Variants in SGCE observed in about 807,000 individuals in gnomAD.
The protein encoded by SGCE is epsilon-sarcoglycan.
In SGCE, 26 loss-of-function variants were observed where a neutral mutation model predicts 57.8. That is an observed-to-expected ratio of 0.45 (90% CI 0.33 to 0.62). The LOEUF is 0.62. SGCE is among the 20% of genes least tolerant of loss of function. The pLI is 0.02. For missense variants in SGCE, 468 were observed against 548.6 expected (o/e 0.85, Z 1.47); for synonymous variants, 183 against 189.5 (o/e 0.97, Z 0.28).
intron 5 of SGCE, among the ~76,000 whole-genome samples, chr7:94,605,550 T>G (rs1799985550): frequency 6.6e-6 from 1 of 152,118 alleles, no homozygotes; most frequent in Non-Finnish European, 1.5e-5. Context: ...AGACAGGGAT[T>G]ATTTTATCAT....
In SGCE at chr7:94,618,996, G is replaced by A. The variant is rs201139759; in HGVS notation, c.464-40C>T. 44 of 1,357,206 alleles carry A rather than the reference G, an allele frequency of 3.2e-5. No homozygotes were observed. In the East Asian group the frequency reaches 7.1e-4, roughly 22 times the overall value. 84.1% of individuals were successfully genotyped at this position (1,357,206 alleles called of 1,614,324 possible). A position where few individuals can be genotyped will look rare whatever the true frequency, so the allele number is the denominator to read the frequency against. On this transcript the variant is annotated intron_variant, in intron 4 of 10. Transcript: ENST00000648936. ...AAAGGGCATGCATATCTTTAATGAA[G>A]TAGTCTTTTAAAAAGGAAACAAAAG...
intron 3 of SGCE, chr7:94,625,789 G>C (rs1299321922): frequency 3.3e-5 from 5 of 151,992 alleles, no homozygotes; most frequent in African/African-American, 1.2e-4. Flanking sequence ...CTTGCTGATA[G>C]ACTTTTGGGT....
At chr7:94,633,375 T>A (rs191536814) in intron 1 of SGCE, among the ~76,000 whole-genome samples, 42 of 152,262 alleles carry the variant, frequency 2.8e-4, no homozygotes, top group African/African-American at 5.5e-4. Flanking sequence ...CAGAATTTTT[T>A]AAGTAATAAT....
Position 94,628,318 on chromosome 7 carries a change from T to A in SGCE, c.274A>T (p.Met92Leu). The A allele has an allele frequency of 6.2e-7, 1 of 1,611,462 alleles. No individual in the cohort carries two copies. Among genetic ancestry groups the A allele is most frequent in the Non-Finnish European group, 8.5e-7 (1 of 1,178,200 alleles). Residue 92 changes from methionine to leucine, a missense_variant, in exon 3 of 11, where the codon ATG (methionine) becomes TTG (leucine). Physicochemically the swap from Met to Leu is conservative, Grantham distance 15 (BLOSUM62 2). Coordinates refer to ENST00000648936, the MANE Select transcript of SGCE (RefSeq NM_003919.3). Reference sequence around the variant, plus strand: ...CATCCAGGTCGGTCTGGGTAACCCATTAAATTTGTATTAAATGTTATGGGA... The same window carrying A: ...CATCCAGGTCGGTCTGGGTAACCCAATAAATTTGTATTAAATGTTATGGGA... ...NDPITFNTNL[M>L]GYPDRPGWLR...
intron 1 of SGCE, among the ~76,000 whole-genome samples, chr7:94,647,203 C>T (rs963764005): frequency 6.6e-6 from 1 of 152,170 alleles, no homozygotes; most frequent in Non-Finnish European, 1.5e-5. Flanking sequence ...TACTCTTTCC[C>T]TTAAAAACTG....
chr7:94,607,635 T>A (rs934098420), intron 5 of SGCE, among the ~76,000 whole-genome samples: 1 of 152,142 alleles, frequency 6.6e-6, no homozygotes, highest in Non-Finnish European at 1.5e-5. Context: ...AAACTAGGAA[T>A]AGAGGGGAAT....
In SGCE at chr7:94,585,368, A is replaced by G. The variant is rs984909373; in HGVS notation, c.*131T>C. 1.3e-5 allele frequency: 10 copies of G among 772,044 alleles called. No individual in the cohort carries two copies. Among genetic ancestry groups the G allele is most frequent in the Non-Finnish European group, 2.3e-5 (10 of 443,072 alleles). The allele number at this position is 772,044 out of a possible 1,614,324, so 47.8% of individuals were successfully genotyped here. On this transcript the variant is annotated 3_prime_UTR_variant, in exon 11 of 11. Coordinates refer to ENST00000648936, the MANE Select transcript of SGCE (RefSeq NM_003919.3). The stretch of plus-strand genomic sequence containing the variant: ...TGAAAGTTATGTTGTATTATTTGGT[A>G]TACACTTAATACTGCCAACATGCAT...
chr7:94,598,695 A>G (rs2116672333), intron 9 of SGCE, 80 bp downstream of exon 9: 1 of 1,017,764 alleles, frequency 9.8e-7, no homozygotes. Context: ...CAAACACAAC[A>G]ACAGAAAGCT....
chr7:94,597,086 T>G (rs1272885055), intron 9 of SGCE: 1 of 152,130 alleles, frequency 6.6e-6, no homozygotes, highest in East Asian at 1.9e-4. Flanking sequence ...CCATAATAGG[T>G]GGGCTACTGA....
At position 94,585,469 on chromosome 7, in the gene SGCE, A is replaced by G. The variant is rs753684985; in HGVS notation, c.*30T>C. On this transcript the variant is annotated 3_prime_UTR_variant, in exon 11 of 11. Coordinates refer to ENST00000648936, the MANE Select transcript of SGCE (RefSeq NM_003919.3). ...TGTAACTGCTATATTGTCTGATTATAAATTCATTGCTTCAGTCAGTTTTCT... is the reference window on the plus strand; with the variant it reads ...TGTAACTGCTATATTGTCTGATTATGAATTCATTGCTTCAGTCAGTTTTCT... 2 of 1,596,414 alleles carry G rather than the reference A, an allele frequency of 1.3e-6. No individual in the cohort carries two copies. The highest frequency in any genetic ancestry group is 1.7e-6 in the Non-Finnish European group (2 of 1,164,062).
At chr7:94,628,424 T>G (rs562110127) in intron 2 of SGCE, 65 bp from the exon 3 acceptor site, 21 of 1,374,720 alleles carry the variant, frequency 1.5e-5, no homozygotes, top group Non-Finnish European at 2.2e-5. Flanking sequence ...TTTGGTAGTT[T>G]CAATCAAAAC....
intron 7 of SGCE, 200 bp downstream of exon 7, chr7:94,600,446 A>G (rs1562804468): frequency 1.8e-6 from 1 of 551,164 alleles, no homozygotes; most frequent in Non-Finnish European, 3.2e-6. Flanking sequence ...GAATAAAGTA[A>G]TTATATCCCC....
intron 5 of SGCE, chr7:94,618,287 C>T (rs1041658787): frequency 6.3e-6 from 1 of 159,254 alleles, no homozygotes; most frequent in African/African-American, 2.4e-5. Context: ...GTGACAAGGT[C>T]AGGCTTTAGG....
At chr7:94,642,047 T>A (rs2117050612) in intron 1 of SGCE, among the ~76,000 whole-genome samples, 1 of 152,210 alleles carries the variant, frequency 6.6e-6, no homozygotes, top group Non-Finnish European at 1.5e-5. Context: ...TATCCATAAT[T>A]AAAATTTTAA....
chr7:94,648,376 C>CAAAAAAAAAAAAAAAAAA (rs71123907), intron 1 of SGCE, among the ~76,000 whole-genome samples: 84 of 65,080 alleles, frequency 1.3e-3, no homozygotes, highest in East Asian at 1.9e-3. Flanking sequence ...ACTCTGTCTC[C>CAAAAAAAAAAAAAAAAAA]AAAAAAAAAA....
intron 1 of SGCE, among the ~76,000 whole-genome samples, chr7:94,645,639 G>A (rs1343174943): frequency 6.6e-6 from 1 of 152,116 alleles, no homozygotes; most frequent in African/African-American, 2.4e-5. Flanking sequence ...GACAGTGTCT[G>A]GGTTCAAATC....
intron 5 of SGCE, among the ~76,000 whole-genome samples, chr7:94,608,641 T>C (rs1757624732): frequency 6.6e-6 from 1 of 151,980 alleles, no homozygotes; most frequent in African/African-American, 2.4e-5. Context: ...AAGAACAAAT[T>C]TTGAGGACTG....
rs1796763211 is a variant in SGCE, at chr7:94,585,415, T to C, written c.*84A>G. 3 of 1,196,396 alleles carry C rather than the reference T, an allele frequency of 2.5e-6. No individual in the cohort carries two copies. The highest frequency in any genetic ancestry group is 3.0e-5 in the African/African-American group (2 of 66,890). The allele number at this position is 1,196,396 out of a possible 1,614,324, so 74.1% of individuals were successfully genotyped here. On this transcript the variant is annotated 3_prime_UTR_variant, in exon 11 of 11. Coordinates refer to ENST00000648936, the MANE Select transcript of SGCE (RefSeq NM_003919.3). ...GCATAACATATGCCAGAAAAGCTCATGCATTATTGGAAGAGAAAAGAAATG... is the reference window on the plus strand; with the variant it reads ...GCATAACATATGCCAGAAAAGCTCACGCATTATTGGAAGAGAAAAGAAATG...
intron 1 of SGCE, among the ~76,000 whole-genome samples, chr7:94,630,049 T>A (rs981371092): frequency 3.3e-5 from 5 of 152,000 alleles, no homozygotes; most frequent in African/African-American, 1.2e-4. Context: ...TTTTGATTTG[T>A]GTTTACAGCC....
Sources: gnomAD v4.1 joint callset for allele counts (sites outside exome capture counted in the v4.1 genomes callset) on GRCh38, gnomAD v4.1.1 for gene constraint, MANE v1.5 for transcripts, NCBI Gene and HGNC (gene_info 2026-07-23, HGNC 2026-07-21) for gene names.